Variants in ERC1 observed in about 807,000 individuals in gnomAD.
ERC1 encodes the protein RAB6 interacting protein 2.
ERC1 carries 56 observed loss-of-function variants against 132.0 expected under a neutral mutation model. The observed-to-expected ratio is 0.42, with a 90% confidence interval of 0.34 to 0.53. The LOEUF (loss-of-function observed/expected upper bound fraction) is 0.53, where lower values mean the gene tolerates loss of function less well. Among genes scored for constraint, ERC1 ranks in the 20% least tolerant of loss-of-function variants. The probability of loss-of-function intolerance (pLI) is 0.03; values close to 1 mark genes in which losing one functional copy is unlikely to be tolerated. For missense variants in ERC1, 1,202 were observed against 1,349.9 expected, an observed-to-expected ratio of 0.89 and a Z score of 1.72; for synonymous variants, 478 against 476.1, an observed-to-expected ratio of 1.00 and a Z score of -0.05.
chr12:1,180,663 G>A lies in ERC1; in HGVS notation c.1861G>A (p.Ala621Thr), dbSNP rs1264372465. The stretch of plus-strand genomic sequence containing the variant: ...CACTGCCTTGACAACTTTGGAGGAG[G>A]CCCTTGCAGAGAAAGTGAGTGGCTG... ...TDTALTTLEE[A>T]LAEKERTIER... The change falls in exon 9 of 19, where the codon GCC becomes ACC. Residue 621 changes from alanine (A) to threonine (T), a missense_variant. By Grantham distance (58) the Ala-to-Thr change is moderately conservative. Coordinates refer to ENST00000360905, the MANE Select transcript of ERC1 (RefSeq NM_178040.4). 3 of 1,613,814 alleles carry A rather than the reference G, an allele frequency of 1.9e-6. No homozygotes were observed. Among genetic ancestry groups the A allele is most frequent in the African/African-American group, 2.7e-5 (2 of 74,738 alleles).
Position 1,068,723 on chromosome 12 carries a change from T to C in ERC1, c.670-14441T>C, listed in dbSNP as rs116874692. ...TATTGATTTCTCCTCTTATGCCCGA[T>C]TGCTTATCAATTTGGTTCTTTTGTC... On this transcript the variant is annotated intron_variant, in intron 2 of 18. Coordinates refer to ENST00000360905, the MANE Select transcript of ERC1 (RefSeq NM_178040.4). Among the ~76,000 whole-genome samples the C allele has an allele frequency of 5.0e-4, 76 of 152,370 alleles. 1 individual carries two copies. In the East Asian group the frequency reaches 0.013, roughly 27 times the overall value.
chr12:1,434,423 C>T (rs1221717145), intron 17 of ERC1, among the ~76,000 whole-genome samples: 1 of 152,186 alleles, frequency 6.6e-6, no homozygotes, highest in African/African-American at 2.4e-5. Flanking sequence ...TTTATTGACT[C>T]GTGTAGTTAC....
intron 18 of ERC1, among the ~76,000 whole-genome samples, chr12:1,473,555 A>G (rs1481929272): frequency 6.7e-6 from 1 of 148,938 alleles, no homozygotes; most frequent in Non-Finnish European, 1.5e-5. Context: ...ACTTGAGCCC[A>G]GGAGTTCCAG....
chr12:1,196,955 C>T (rs867810324), intron 12 of ERC1, among the ~76,000 whole-genome samples: 975 of 27,758 alleles, frequency 0.035, 22 homozygotes, highest in East Asian at 0.051. Context: ...CACACACACA[C>T]ACACACATAT....
At chr12:1,380,142 TATTC>T (rs1390472353) in intron 16 of ERC1, 2 of 152,166 alleles carry the variant, frequency 1.3e-5, no homozygotes, top group African/African-American at 4.8e-5. Flanking sequence ...AAGCAGAACT[TATTC>T]ATCGTTTCTT....
At chr12:1,284,302 GTGTGTGTA>G (rs1056739477) in intron 14 of ERC1, among the ~76,000 whole-genome samples, 17 of 143,940 alleles carry the variant, frequency 1.2e-4, no homozygotes, top group African/African-American at 4.4e-4. Context: ...GTGTGTGTGT[GTGTGTGTA>G]TACATACCAC....
At chr12:1,397,515 A>T (rs889395582) in intron 16 of ERC1, among the ~76,000 whole-genome samples, 6 of 152,240 alleles carry the variant, frequency 3.9e-5, no homozygotes, top group Admixed American at 1.3e-4. Flanking sequence ...ATATGGAGCG[A>T]TTCCCAGAAC....
intron 7 of ERC1, among the ~76,000 whole-genome samples, chr12:1,128,096 G>A (rs533645639): frequency 4.2e-4 from 64 of 152,314 alleles, no homozygotes; most frequent in Non-Finnish European, 8.1e-4. Flanking sequence ...TCTCAACCTA[G>A]TACGTGTAGA....
At chr12:1,463,039 C>A (rs2093673077) in intron 18 of ERC1, among the ~76,000 whole-genome samples, 1 of 152,136 alleles carries the variant, frequency 6.6e-6, no homozygotes, top group Admixed American at 6.5e-5. Flanking sequence ...GCTTTGGATT[C>A]CAGGTCCCTT....
chr12:1,246,908 C>G (rs960279411), intron 13 of ERC1, among the ~76,000 whole-genome samples: 1 of 152,094 alleles, frequency 6.6e-6, no homozygotes, highest in African/African-American at 2.4e-5. Flanking sequence ...CAGATGTATT[C>G]GAGGGGAAAT....
At chr12:1,448,347 C>A (rs1397905020) in intron 18 of ERC1, among the ~76,000 whole-genome samples, 1 of 152,178 alleles carries the variant, frequency 6.6e-6, no homozygotes, top group Non-Finnish European at 1.5e-5. Flanking sequence ...AACTAACAAC[C>A]CCTACTATAA....
chr12:1,110,248 G>A lies in ERC1; in HGVS notation c.1218G>A (p.Gln406=), dbSNP rs1471987916. Reference sequence around the variant, plus strand: ...TTCGAGACCTGGAAGAGGAAATTCAGATGCTGAAATCGAATGGTGCTTTGA... The same window carrying A: ...TTCGAGACCTGGAAGAGGAAATTCAAATGCTGAAATCGAATGGTGCTTTGA... The part of the protein sequence containing the change: ...RGLRDLEEEI[Q]MLKSNGALST... The change falls in exon 5 of 19, where the codon CAG becomes CAA. Residue 406 remains glutamine, a synonymous_variant. Transcript: ENST00000360905. The A allele has an allele frequency of 1.2e-6, 2 of 1,613,674 alleles. No individual in the cohort carries two copies. Among genetic ancestry groups the A allele is most frequent in the South Asian group, 1.1e-5 (1 of 90,994 alleles).
chr12:1,453,169 C>A (rs1420492608), intron 18 of ERC1, among the ~76,000 whole-genome samples: 1 of 152,018 alleles, frequency 6.6e-6, no homozygotes, highest in Non-Finnish European at 1.5e-5. Context: ...TACTTCTGTC[C>A]CACCCCCAGT....
At chr12:1,267,486 C>T (rs1057083592) in intron 14 of ERC1, among the ~76,000 whole-genome samples, 2 of 152,224 alleles carry the variant, frequency 1.3e-5, no homozygotes, top group Non-Finnish European at 2.9e-5. Context: ...GGCCGGGATA[C>T]AGTGGCTCAT....
intron 1 of ERC1, among the ~76,000 whole-genome samples, chr12:1,003,265 A>T (rs186797689): frequency 6.6e-6 from 1 of 152,182 alleles, no homozygotes; most frequent in African/African-American, 2.4e-5. Context: ...GTTGTATTTC[A>T]TATATCTCAG....
intron 15 of ERC1, among the ~76,000 whole-genome samples, chr12:1,303,608 C>T (rs1475773403): frequency 1.9e-4 from 28 of 149,742 alleles, no homozygotes; most frequent in African/African-American, 6.9e-4. Context: ...CACTGCACTC[C>T]AGCCTGCATG....
intron 4 of ERC1, among the ~76,000 whole-genome samples, chr12:1,107,197 TCTA>T (rs1945357176): frequency 6.6e-6 from 1 of 152,172 alleles, no homozygotes; most frequent in Admixed American, 6.5e-5. Flanking sequence ...CTCCCCTTTC[TCTA>T]CTATTTTTTT....
intron 15 of ERC1, among the ~76,000 whole-genome samples, chr12:1,328,580 G>T (rs1396929291): frequency 6.6e-6 from 1 of 151,942 alleles, no homozygotes; most frequent in African/African-American, 2.4e-5. Flanking sequence ...TTCTCCTGTT[G>T]TACGCCACGC....
intron 15 of ERC1, among the ~76,000 whole-genome samples, chr12:1,314,756 CTTATA>C (rs2081569134): frequency 1.3e-5 from 2 of 151,936 alleles, no homozygotes; most frequent in Non-Finnish European, 2.9e-5. Flanking sequence ...TTCGTTTTAC[CTTATA>C]TTAGGAAGAT....
Sources: allele counts gnomAD v4.1 joint callset (sites outside exome capture counted in the v4.1 genomes callset), GRCh38; gene constraint gnomAD v4.1.1; transcripts MANE v1.5; gene names NCBI Gene and HGNC (gene_info 2026-07-23, HGNC 2026-07-21).